The following TOP2B variants were observed in gnomAD, a reference collection of about 807,000 sequenced individuals.
TOP2B encodes the protein DNA topoisomerase II beta.
A neutral mutation model predicts 193.5 loss-of-function variants in TOP2B; 51 were observed. The observed-to-expected ratio is 0.26, with a 90% confidence interval of 0.21 to 0.33. The LOEUF is 0.33. Ranked by LOEUF, TOP2B falls within the 10% of genes least tolerant of loss-of-function variation. TOP2B has a pLI of 1.00. For synonymous variants in TOP2B, 634 were observed against 635.7 expected, an observed-to-expected ratio of 1.00 and a Z score of 0.04; for missense variants, 1,378 against 1,909.3, an observed-to-expected ratio of 0.72 and a Z score of 5.19.
chr3:25,646,675 A>G (rs561306380), intron 1 of TOP2B, among the ~76,000 whole-genome samples: 1 of 152,346 alleles, frequency 6.6e-6, no homozygotes, highest in African/African-American at 2.4e-5. Flanking sequence ...AAGAAACAGA[A>G]TACAGATAAT....
chr3:25,634,652 A>T (rs939401998), intron 7 of TOP2B, among the ~76,000 whole-genome samples: 7 of 151,684 alleles, frequency 4.6e-5, no homozygotes, highest in Non-Finnish European at 8.8e-5. Flanking sequence ...CTTTCAGAAA[A>T]CCCACCAAAT....
Position 25,626,970 on chromosome 3 carries a change from T to C in TOP2B, c.2017-106A>G, listed in dbSNP as rs1369278084. ...TAACTAATTCTTAATTTCTGGAAAA[T>C]TAGGTTATTTTACAATATTTTAATC... On this transcript the variant is annotated intron_variant, in intron 16 of 35. Coordinates refer to ENST00000264331, the MANE Select transcript of TOP2B (RefSeq NM_001330700.2). 9 of 753,600 alleles carry C rather than the reference T, an allele frequency of 1.2e-5. No individual in the cohort carries two copies. The Admixed American group carries it at 1.4e-4, about 12-fold the overall frequency. The allele number at this position is 753,600 out of a possible 1,614,324, so 46.7% of individuals were successfully genotyped here.
rs1040507680 is a variant in TOP2B at position 25,658,180 on chromosome 3, G to A, written c.69+6049C>T. ...GGAGGCAGAGCTTGCAGTGAGTCGA[G>A]ACAGCGCCACTGCACCCCAACCTGG... On this transcript the variant is annotated intron_variant, in intron 1 of 35. Coordinates refer to ENST00000264331, the MANE Select transcript of TOP2B (RefSeq NM_001330700.2). Among the ~76,000 whole-genome samples, 10 of 151,850 alleles carry A rather than the reference G, an allele frequency of 6.6e-5. 1 individual carries two copies. In the South Asian group the frequency reaches 2.1e-3, roughly 32 times the overall value.
intron 27 of TOP2B, among the ~76,000 whole-genome samples, chr3:25,614,981 A>C (rs1269066390): frequency 1.3e-5 from 2 of 152,058 alleles, no homozygotes; most frequent in South Asian, 2.1e-4. Flanking sequence ...TAACTAATTG[A>C]AAGCAGATTT....
At chr3:25,658,560 CTTT>C (rs927679533) in intron 1 of TOP2B, among the ~76,000 whole-genome samples, 5 of 151,868 alleles carry the variant, frequency 3.3e-5, no homozygotes, top group Non-Finnish European at 7.4e-5. Context: ...ACATCATTGA[CTTT>C]TTCTGAATTT....
chr3:25,653,463 T>C (rs894680860), intron 1 of TOP2B, among the ~76,000 whole-genome samples: 1 of 151,882 alleles, frequency 6.6e-6, no homozygotes, highest in Non-Finnish European at 1.5e-5. Flanking sequence ...GGCATGACAA[T>C]GGCTCACTGC....
chr3:25,657,547 G>C (rs765263151), intron 1 of TOP2B, among the ~76,000 whole-genome samples: 1 of 152,142 alleles, frequency 6.6e-6, no homozygotes, highest in Non-Finnish European at 1.5e-5. Flanking sequence ...ACTCCTATCT[G>C]CATGTTTATA....
intron 1 of TOP2B, among the ~76,000 whole-genome samples, chr3:25,662,396 T>A (rs1236883322): frequency 6.6e-6 from 1 of 152,298 alleles, no homozygotes; most frequent in East Asian, 1.9e-4. Flanking sequence ...AGAGTAAGCA[T>A]CAACTCTTAA....
chr3:25,644,195 T>C (rs557777993), intron 2 of TOP2B, among the ~76,000 whole-genome samples: 2 of 152,248 alleles, frequency 1.3e-5, no homozygotes, highest in East Asian at 1.9e-4. Context: ...ATCCCAGTTC[T>C]TACTAGTTGA....
In TOP2B at chr3:25,643,800, C is replaced by CA. The variant is rs753576809; in HGVS notation, c.241-17dup. On this transcript the variant is annotated splice_polypyrimidine_tract_variant and intron_variant, in intron 2 of 35. Transcript: ENST00000264331. ...CCCACATGAACTGCATTGAAAAATT[C>CA]AAAAAAAATTTTACTCAATAAATCC... is the stretch of plus-strand genomic sequence containing the variant. The CA allele has an allele frequency of 8.1e-6, 13 of 1,597,176 alleles. No homozygotes were observed. Among genetic ancestry groups the CA allele is most frequent in the Middle Eastern group, 1.7e-4 (1 of 6,008 alleles).
At chr3:25,634,635 G>T (rs1703049934) in intron 7 of TOP2B, among the ~76,000 whole-genome samples, 3 of 151,936 alleles carry the variant, frequency 2.0e-5, no homozygotes, top group African/African-American at 7.2e-5. Context: ...TACTCTTGCA[G>T]GTTTTTCTTT....
intron 18 of TOP2B, chr3:25,625,030 A>G (rs942568186): frequency 2.7e-4 from 89 of 334,472 alleles, no homozygotes; most frequent in Non-Finnish European, 4.1e-4. Flanking sequence ...ATCTCCATCT[A>G]CTCCAAAAGT....
rs772971772 is a variant in TOP2B, at chr3:25,626,867, G to C, written c.2017-3C>G. 1 of 1,565,272 alleles carries C rather than the reference G, an allele frequency of 6.4e-7. No individual in the cohort carries two copies. The highest frequency in any genetic ancestry group is 8.7e-7 in the Non-Finnish European group (1 of 1,149,566). On this transcript the variant is annotated splice_region_variant and splice_polypyrimidine_tract_variant and intron_variant, in intron 16 of 35. Transcript: ENST00000264331. ...TCAATCTTCTTCTTACTAAATGCCTGAAAGATTCCAGGTAACGATTTTGCA... is the reference window on the plus strand; with the variant it reads ...TCAATCTTCTTCTTACTAAATGCCTCAAAGATTCCAGGTAACGATTTTGCA...
Position 25,630,845 on chromosome 3 carries a change from C to T in TOP2B, c.1361G>A (p.Ser454Asn), listed in dbSNP as rs748754892. The change falls in exon 11 of 36, where the codon AGT becomes AAT. Residue 454 changes from serine to asparagine, a missense_variant. Coordinates refer to ENST00000264331, the MANE Select transcript of TOP2B (RefSeq NM_001330700.2). ...LNKKCSSVKYSKIKGIPKLDD... is the reference protein window; with the variant it reads ...LNKKCSSVKYNKIKGIPKLDD... Reference sequence around the variant, plus strand: ...CAGTTTGGGAATACCTTTGATTTTACTGTATTTTACTGATGAACACTTCTT... The same window carrying T: ...CAGTTTGGGAATACCTTTGATTTTATTGTATTTTACTGATGAACACTTCTT... The T allele has an allele frequency of 6.9e-6, 11 of 1,594,478 alleles. No homozygotes were observed. The highest frequency in any genetic ancestry group is 9.4e-6 in the Non-Finnish European group (11 of 1,172,048).
In TOP2B at chr3:25,606,291, C is replaced by T. The variant is rs185324205; in HGVS notation, c.4299-169G>A. 7.9e-4 allele frequency among the ~76,000 whole-genome samples: 120 copies of T among 152,204 alleles called. 2 individuals are homozygous for T. Among genetic ancestry groups the T allele is most frequent in the Middle Eastern group, 6.8e-3 (2 of 294 alleles). ...GACAGGGTAATAAAACTCTTTCTCT[C>T]TTATGTGTAAAAGTGTGCACACATA... On this transcript the variant is annotated intron_variant, in intron 31 of 35. Transcript: ENST00000264331.
At chr3:25,645,818 G>T (rs1028308091) in intron 1 of TOP2B, among the ~76,000 whole-genome samples, 2 of 152,036 alleles carry the variant, frequency 1.3e-5, no homozygotes, top group Admixed American at 6.6e-5. Flanking sequence ...AGAGTGCAAT[G>T]GTGTGATCTT....
chr3:25,617,474 T>A (rs567422043), intron 25 of TOP2B, among the ~76,000 whole-genome samples: 1 of 152,194 alleles, frequency 6.6e-6, no homozygotes, highest in Non-Finnish European at 1.5e-5. Flanking sequence ...ATATGACTTT[T>A]ATTGACTTCA....
chr3:25,659,382 T>C (rs1424479006), intron 1 of TOP2B, among the ~76,000 whole-genome samples: 1 of 152,182 alleles, frequency 6.6e-6, no homozygotes, highest in Admixed American at 6.5e-5. Flanking sequence ...AAAATAGGCT[T>C]TCTCTATAAT....
intron 1 of TOP2B, among the ~76,000 whole-genome samples, chr3:25,659,455 T>C (rs1435812801): frequency 6.6e-6 from 1 of 152,238 alleles, no homozygotes; most frequent in Non-Finnish European, 1.5e-5. Context: ...TGTGAACCCA[T>C]CTGGGAGCTA....
Sources: gnomAD v4.1 joint callset for allele counts (sites outside exome capture counted in the v4.1 genomes callset) on GRCh38, gnomAD v4.1.1 for gene constraint, MANE v1.5 for transcripts, NCBI Gene and HGNC (gene_info 2026-07-23, HGNC 2026-07-21) for gene names.